The following ESRRB variants were observed in gnomAD, a reference collection of about 807,000 sequenced individuals.
ESRRB encodes estrogen related receptor beta, also known as steroid hormone receptor ERR2.
A neutral mutation model predicts 46.0 loss-of-function variants in ESRRB; 16 were observed. The observed-to-expected ratio is 0.35, with a 90% CI of 0.24 to 0.53. The LOEUF (loss-of-function observed/expected upper bound fraction) is 0.53. Among genes scored for constraint, ESRRB ranks in the 20% least tolerant of loss-of-function variants. The pLI, the probability that ESRRB is intolerant of heterozygous loss-of-function variation, is 0.93. For missense variants in ESRRB, 488 were observed against 607.4 expected (o/e 0.80, Z 2.07); for synonymous variants, 246 against 259.6 (o/e 0.95, Z 0.50).
At chr14:76,414,603 C>T (rs1886611060) in intron 1 of ESRRB, among the ~76,000 whole-genome samples, 1 of 134,200 alleles carries the variant, frequency 7.5e-6, no homozygotes, top group African/African-American at 2.8e-5. Flanking sequence ...CCAGTCAGCA[C>T]AGAAATAATC....
chr14:76,381,687 C>T (rs1442131313), intron 1 of ESRRB, among the ~76,000 whole-genome samples: 2 of 152,172 alleles, frequency 1.3e-5, no homozygotes, highest in Non-Finnish European at 2.9e-5. Flanking sequence ...AGCTTGTATT[C>T]ACCCATCTCA....
At position 76,315,714 on chromosome 14, in the gene ESRRB, A is replaced by G. The variant is rs73314664; in HGVS notation, c.2+4798A>G. Among the ~76,000 whole-genome samples the G allele has an allele frequency of 2.0e-5, 3 of 152,260 alleles. No homozygotes were observed. The East Asian group carries it at 5.8e-4, about 29-fold the overall frequency. On this transcript the variant is annotated intron_variant, in intron 1 of 6. Coordinates refer to the ESRRB transcript ENST00000512784. The stretch of plus-strand genomic sequence containing the variant: ...CTCCCACACCTTCCACTAAGGGGAT[A>G]TTTTTCCTGAAAGTTGGCCATGCAG...
intron 1 of ESRRB, chr14:76,407,635 C>G: frequency 1.1e-6 from 1 of 947,582 alleles, no homozygotes; most frequent in Non-Finnish European, 1.3e-6. Flanking sequence ...GCCACATGGC[C>G]GATTCACACT....
upstream of ESRRB, among the ~76,000 whole-genome samples, chr14:76,366,595 G>A (rs1279896251): frequency 6.6e-6 from 1 of 152,214 alleles, no homozygotes; most frequent in Non-Finnish European, 1.5e-5. Flanking sequence ...TGTTGGATGT[G>A]TGTGCACGTG....
rs34971102 is a variant in ESRRB, at chr14:76,347,414, AGT to A, written c.2+36517_2+36518del. Among the ~76,000 whole-genome samples the A allele has an allele frequency of 9.6e-3, 918 of 96,066 alleles. 212 individuals are homozygous for A. Among genetic ancestry groups the A allele is most frequent in the African/African-American group, 0.028 (780 of 28,028 alleles). 63.0% of individuals were successfully genotyped at this position (96,066 alleles called of 152,430 possible). A position where few individuals can be genotyped will look rare whatever the true frequency, so the allele number is the denominator to read the frequency against. ...AAATGGGGACAGTATTTGCTCATGA[AGT>A]GTGTGTGTGTGTGTGTGTCACACAC... On this transcript the variant is annotated intron_variant, in intron 1 of 6. Coordinates refer to the ESRRB transcript ENST00000512784.
chr14:76,427,999 G>A (rs916771060), intron 1 of ESRRB, among the ~76,000 whole-genome samples: 4 of 152,084 alleles, frequency 2.6e-5, no homozygotes, highest in Non-Finnish European at 4.4e-5. Context: ...GACAGTAATT[G>A]GGTTATATAT....
chr14:76,400,331 A>G (rs950907641), intron 1 of ESRRB, among the ~76,000 whole-genome samples: 1 of 152,206 alleles, frequency 6.6e-6, no homozygotes, highest in Non-Finnish European at 1.5e-5. Context: ...TCTGGGGAGA[A>G]AGAGCACAGG....
At position 76,316,155 on chromosome 14, in the gene ESRRB, T is replaced by C. The variant is rs1340859932; in HGVS notation, c.2+5239T>C. On this transcript the variant is annotated intron_variant, in intron 1 of 6. Transcript: ENST00000512784. Reference sequence around the variant, plus strand: ...CCTCCTCCCTCTTGACACGATCACTTGACAAATGAATCCAAACTCCATCAC... The same window carrying C: ...CCTCCTCCCTCTTGACACGATCACTCGACAAATGAATCCAAACTCCATCAC... 3.3e-5 allele frequency among the ~76,000 whole-genome samples: 5 copies of C among 152,170 alleles called. No homozygotes were observed. In the East Asian group the frequency reaches 9.6e-4, roughly 29 times the overall value.
At chr14:76,478,419 T>G (rs1376625495) in intron 3 of ESRRB, among the ~76,000 whole-genome samples, 1 of 144,532 alleles carries the variant, frequency 6.9e-6, no homozygotes, top group Non-Finnish European at 1.5e-5. Context: ...CTCCTTGCCT[T>G]GCCGAGGGAC....
intron 1 of ESRRB, among the ~76,000 whole-genome samples, chr14:76,377,572 C>G (rs1353142812): frequency 1.3e-5 from 2 of 152,196 alleles, no homozygotes; most frequent in African/African-American, 4.8e-5. Flanking sequence ...TAACTTTGTG[C>G]TCGTCTTCCT....
At chr14:76,490,737 A>G (rs1442691684) in intron 5 of ESRRB, among the ~76,000 whole-genome samples, 1 of 152,160 alleles carries the variant, frequency 6.6e-6, no homozygotes, top group Non-Finnish European at 1.5e-5. Flanking sequence ...GGGAACTAGC[A>G]TGATTCCAAG....
intron 1 of ESRRB, among the ~76,000 whole-genome samples, chr14:76,335,779 C>T (rs1884119693): frequency 6.6e-6 from 1 of 152,132 alleles, no homozygotes; most frequent in East Asian, 1.9e-4. Context: ...TGGGCTGTCC[C>T]CTGTCCTGAT....
chr14:76,354,158 C>A (rs771193101), intron 1 of ESRRB, among the ~76,000 whole-genome samples: 4 of 151,438 alleles, frequency 2.6e-5, no homozygotes, highest in East Asian at 2.0e-4. Flanking sequence ...CCCTTCCTCA[C>A]CCCCGGGAAA....
At chr14:76,368,418 T>C (rs17104385), upstream of ESRRB, among the ~76,000 whole-genome samples, 8,324 of 152,216 alleles carry the variant, frequency 0.055, 348 homozygotes, top group East Asian at 0.12. Flanking sequence ...TATCATGCCA[T>C]GAAGCTGGAT....
chr14:76,497,665 G>A (rs1250462220), intron 6 of ESRRB, among the ~76,000 whole-genome samples: 3 of 152,154 alleles, frequency 2.0e-5, no homozygotes, highest in East Asian at 3.9e-4. Context: ...TCAGGTTAGC[G>A]ATTGCACTGA....
chr14:76,451,789 ATTTT>A (rs111716273), intron 2 of ESRRB, among the ~76,000 whole-genome samples: 10 of 122,760 alleles, frequency 8.1e-5, no homozygotes, highest in African/African-American at 2.7e-4. Context: ...TGCCCAGCTA[ATTTT>A]TTTTTTTTTT....
intron 1 of ESRRB, among the ~76,000 whole-genome samples, chr14:76,317,369 C>T (rs1040329097): frequency 1.0e-4 from 15 of 143,540 alleles, no homozygotes; most frequent in South Asian, 4.4e-4. Flanking sequence ...TTAGGGTTTA[C>T]GGCAACAATG....
intron 1 of ESRRB, among the ~76,000 whole-genome samples, chr14:76,383,324 C>A (rs1885087524): frequency 7.1e-6 from 1 of 141,610 alleles, no homozygotes; most frequent in Non-Finnish European, 1.5e-5. Context: ...TTTGTTAATT[C>A]ATTTTGAAAT....
chr14:76,427,084 C>T lies in ESRRB; in HGVS notation c.51-12257C>T, dbSNP rs540809670. Among the ~76,000 whole-genome samples the T allele has an allele frequency of 1.8e-4, 28 of 152,288 alleles. No individual in the cohort carries two copies. The East Asian group carries it at 4.6e-3, about 25-fold the overall frequency. ...GGCTTCTAGGACTCTCTGCCTCAAC[C>T]GTTCCTTCTCTCTGCTGCCAGCTTC... On this transcript the variant is annotated intron_variant, in intron 1 of 6. Coordinates refer to ENST00000644823, the MANE Select transcript of ESRRB (RefSeq NM_001379180.1).
Sources: allele counts gnomAD v4.1 joint callset (sites outside exome capture counted in the v4.1 genomes callset), GRCh38; gene constraint gnomAD v4.1.1; transcripts MANE v1.5; gene names NCBI Gene and HGNC (gene_info 2026-07-23, HGNC 2026-07-21).